Variants in CSRNP3 observed in about 807,000 individuals in gnomAD.
CSRNP3 encodes cysteine and serine rich nuclear protein 3, also known as cysteine/serine-rich nuclear protein 3.
A neutral mutation model predicts 48.0 loss-of-function variants in CSRNP3; 12 were observed. That is an observed-to-expected ratio of 0.25 (90% CI 0.16 to 0.41). CSRNP3 has a LOEUF of 0.41. Ranked by LOEUF, CSRNP3 falls within the 10% of genes least tolerant of loss-of-function variation. The probability of loss-of-function intolerance (pLI) is 1.00; values close to 1 mark genes in which losing one functional copy is unlikely to be tolerated. For synonymous variants in CSRNP3, 263 were observed against 269.7 expected (o/e 0.98, Z 0.24); for missense variants, 580 against 724.4 (o/e 0.80, Z 2.29).
intron 3 of CSRNP3, among the ~76,000 whole-genome samples, chr2:165,524,698 T>C (rs1379339532): frequency 6.6e-5 from 10 of 152,232 alleles, no homozygotes; most frequent in Admixed American, 1.3e-4. Flanking sequence ...ACACAGAGAA[T>C]GTAATCTTTA....
In CSRNP3 at chr2:165,648,113, T is replaced by G. The variant is rs151269977; in HGVS notation, c.149-9648T>G. ...TTGCTCAAGGATTTTAATATATAAT[T>G]TTTTTAAGTGATTTGTCGTGTAAGA... On this transcript the variant is annotated intron_variant, in intron 4 of 6. Transcript: ENST00000651982. Among the ~76,000 whole-genome samples the G allele has an allele frequency of 2.0e-3, 302 of 152,126 alleles. 1 individual carries two copies. Among genetic ancestry groups the G allele is most frequent in the African/African-American group, 7.0e-3 (290 of 41,480 alleles).
chr2:165,566,141 T>C (rs540736408), intron 3 of CSRNP3, among the ~76,000 whole-genome samples: 1 of 152,074 alleles, frequency 6.6e-6, no homozygotes, highest in South Asian at 2.1e-4. Flanking sequence ...ATACCTTGTA[T>C]GACTACAGAC....
intron 3 of CSRNP3, among the ~76,000 whole-genome samples, chr2:165,532,727 A>C (rs1684831057): frequency 6.6e-6 from 1 of 152,172 alleles, no homozygotes; most frequent in Non-Finnish European, 1.5e-5. Context: ...AGGCAGGAGA[A>C]GGAAATAAAG....
chr2:165,490,079 T>G (rs1464553862), intron 1 of CSRNP3, among the ~76,000 whole-genome samples: 1 of 151,418 alleles, frequency 6.6e-6, no homozygotes, highest in Non-Finnish European at 1.5e-5. Flanking sequence ...CTCCTTAAGC[T>G]GATAAGCAAC....
intron 5 of CSRNP3, among the ~76,000 whole-genome samples, chr2:165,671,649 C>A (rs766837745): frequency 6.6e-6 from 1 of 152,208 alleles, no homozygotes; most frequent in Non-Finnish European, 1.5e-5. Flanking sequence ...CTGTGAAGGT[C>A]TCCAACATGC....
chr2:165,599,323 AAG>A (rs1685869799), intron 4 of CSRNP3, among the ~76,000 whole-genome samples: 1 of 151,086 alleles, frequency 6.6e-6, no homozygotes, highest in Admixed American at 6.6e-5. Flanking sequence ...GAAAGAAAGA[AAG>A]AAAGGAAAAG....
intron 3 of CSRNP3, among the ~76,000 whole-genome samples, chr2:165,532,328 G>A (rs369408985): frequency 9.9e-5 from 15 of 152,042 alleles, no homozygotes; most frequent in East Asian, 3.9e-4. Context: ...CTGGCAAACC[G>A]AATCCAGCAG....
intron 3 of CSRNP3, 133 bp from the exon 4 acceptor site, chr2:165,594,910 T>A: frequency 1.7e-6 from 1 of 588,222 alleles, no homozygotes; most frequent in Non-Finnish European, 2.8e-6. Flanking sequence ...AAAAATCTGC[T>A]AAAGATCCTT....
intron 4 of CSRNP3, among the ~76,000 whole-genome samples, chr2:165,643,523 C>A (rs1686761175): frequency 6.6e-6 from 1 of 152,128 alleles, no homozygotes; most frequent in Non-Finnish European, 1.5e-5. Flanking sequence ...GATGCTCTTG[C>A]TGCTTCCTGT....
intron 5 of CSRNP3, among the ~76,000 whole-genome samples, chr2:165,667,917 C>T (rs1687261726): frequency 6.6e-6 from 1 of 152,198 alleles, no homozygotes; most frequent in Non-Finnish European, 1.5e-5. Context: ...TATAAAACTC[C>T]ATACCTAGTA....
chr2:165,567,633 GGCATGTGTGTGTAT>G (rs1393515283), intron 3 of CSRNP3, among the ~76,000 whole-genome samples: 1 of 152,006 alleles, frequency 6.6e-6, no homozygotes, highest in Non-Finnish European at 1.5e-5. Flanking sequence ...AGGTAATGGT[GGCATGTGTGTGTAT>G]GCATGTGTGT....
chr2:165,682,455 A>G lies in CSRNP3; in HGVS notation c.*2702A>G, dbSNP rs1291523544. On this transcript the variant is annotated 3_prime_UTR_variant, in exon 7 of 7. Coordinates refer to ENST00000651982, the MANE Select transcript of CSRNP3 (RefSeq NM_001172173.2). ...CTAACACATACACATGCACACACAT[A>G]CAAAATATATACATATCACACACTT... is the stretch of plus-strand genomic sequence containing the variant. 1 of 152,128 alleles carries G rather than the reference A, an allele frequency of 6.6e-6. No individual in the cohort carries two copies. Among genetic ancestry groups the G allele is most frequent in the Non-Finnish European group, 1.5e-5 (1 of 68,020 alleles). 9.4% of individuals were successfully genotyped at this position (152,128 alleles called of 1,614,324 possible).
chr2:165,568,021 C>A (rs1451506133), intron 3 of CSRNP3, among the ~76,000 whole-genome samples: 1 of 152,016 alleles, frequency 6.6e-6, no homozygotes, highest in East Asian at 1.9e-4. Flanking sequence ...ATGATTGAAC[C>A]ATTGACTTTT....
intron 4 of CSRNP3, among the ~76,000 whole-genome samples, chr2:165,654,922 C>T (rs961563788): frequency 2.6e-5 from 4 of 152,074 alleles, no homozygotes; most frequent in Admixed American, 2.6e-4. Context: ...CAGCCTCACC[C>T]GGAATCATCT....
chr2:165,642,827 G>T (rs1454918365), intron 4 of CSRNP3, among the ~76,000 whole-genome samples: 1 of 152,178 alleles, frequency 6.6e-6, no homozygotes, highest in Admixed American at 6.5e-5. Context: ...CTCCCAAAGT[G>T]CTGGGATTAT....
At chr2:165,599,242 A>T (rs1685860486) in intron 4 of CSRNP3, among the ~76,000 whole-genome samples, 1 of 150,724 alleles carries the variant, frequency 6.6e-6, no homozygotes, top group Non-Finnish European at 1.5e-5. Flanking sequence ...AACAAAAACA[A>T]AAAACAAAAA....
At chr2:165,559,863 G>A (rs1358169775) in intron 3 of CSRNP3, among the ~76,000 whole-genome samples, 21 of 130,898 alleles carry the variant, frequency 1.6e-4, no homozygotes, top group African/African-American at 5.5e-4. Flanking sequence ...GCAGTGGCAC[G>A]ATCTCGGCTC....
At chr2:165,666,111 AAG>A (rs796870848) in intron 5 of CSRNP3, among the ~76,000 whole-genome samples, 37 of 123,442 alleles carry the variant, frequency 3.0e-4, no homozygotes, top group African/African-American at 6.5e-4. Flanking sequence ...GGAAGAAAGA[AAG>A]AGAGAGAGAA....
intron 1 of CSRNP3, among the ~76,000 whole-genome samples, chr2:165,472,948 A>G (rs187224587): frequency 8.6e-4 from 131 of 152,218 alleles, no homozygotes; most frequent in Middle Eastern, 3.4e-3. Flanking sequence ...TGTTTTTATC[A>G]ATTAACACGA....
Sources: gnomAD v4.1 joint callset for allele counts (sites outside exome capture counted in the v4.1 genomes callset) on GRCh38, gnomAD v4.1.1 for gene constraint, MANE v1.5 for transcripts, NCBI Gene and HGNC (gene_info 2026-07-23, HGNC 2026-07-21) for gene names.